Variants in KDR observed in about 807,000 individuals in gnomAD.
KDR encodes kinase insert domain receptor.
A neutral mutation model predicts 160.9 loss-of-function variants in KDR; 43 were observed. The observed-to-expected ratio is 0.27, with a 90% CI of 0.21 to 0.34. KDR has a LOEUF of 0.34. Among genes scored for constraint, KDR ranks in the 10% least tolerant of loss-of-function variants. The probability of loss-of-function intolerance (pLI) is 1.00; values close to 1 mark genes in which losing one functional copy is unlikely to be tolerated. For missense variants in KDR, 1,469 were observed against 1,666.4 expected (o/e 0.88, Z 2.06); for synonymous variants, 617 against 600.1 (o/e 1.03, Z -0.41).
At chr4:55,104,483 T>C in intron 13 of KDR, 160 bp downstream of exon 13, 1 of 678,966 alleles carries the variant, frequency 1.5e-6, no homozygotes, top group Non-Finnish European at 2.6e-6. Flanking sequence ...ATTTCATTAT[T>C]ATTAGCTTCT....
chr4:55,106,841 G>T (rs1350465082), intron 10 of KDR, 31 bp from the exon 11 acceptor site: 2 of 1,587,618 alleles, frequency 1.3e-6, no homozygotes, highest in Non-Finnish European at 1.7e-6. Context: ...CGCATATTAT[G>T]ATTTAATTTT....
At chr4:55,101,057 C>T (rs1390624970) in intron 15 of KDR, among the ~76,000 whole-genome samples, 23 of 152,160 alleles carry the variant, frequency 1.5e-4, no homozygotes, top group Non-Finnish European at 7.4e-5. Context: ...GAGCAATGGT[C>T]TATTGTTCAC....
chr4:55,111,668 C>T (rs1400619606), intron 7 of KDR, among the ~76,000 whole-genome samples: 2 of 152,170 alleles, frequency 1.3e-5, no homozygotes, highest in Non-Finnish European at 2.9e-5. Context: ...TAAGCCAGAG[C>T]ACATCTCTCT....
intron 3 of KDR, among the ~76,000 whole-genome samples, chr4:55,117,016 G>C (rs966411926): frequency 6.6e-6 from 1 of 151,994 alleles, no homozygotes; most frequent in African/African-American, 2.4e-5. Flanking sequence ...AACAGTGCTA[G>C]GGATTGCCAC....
chr4:55,120,677 T>C (rs188350235), intron 2 of KDR, among the ~76,000 whole-genome samples: 1 of 152,212 alleles, frequency 6.6e-6, no homozygotes, highest in Non-Finnish European at 1.5e-5. Context: ...GGATAATAAG[T>C]GTTCAAGAAT....
intron 13 of KDR, among the ~76,000 whole-genome samples, chr4:55,102,839 C>A (rs13136007): frequency 0.24 from 35,860 of 152,012 alleles, 4,411 homozygotes; most frequent in East Asian, 0.47. Flanking sequence ...AGATTCTAGT[C>A]AATAATACCC....
rs1220848355 is a variant in KDR at position 55,102,115 on chromosome 4, C to T, written c.2135-87G>A. 3 of 1,557,082 alleles carry T rather than the reference C, an allele frequency of 1.9e-6. No homozygotes were observed. In the African/African-American group the frequency reaches 4.1e-5, roughly 21 times the overall value. On this transcript the variant is annotated intron_variant, in intron 14 of 29. Transcript: ENST00000263923. ...GGAAATTTAGAAAATATAAATGCTG[C>T]CCTTCATCTTGTTCTATTATCTAAC...
intron 22 of KDR, among the ~76,000 whole-genome samples, chr4:55,090,891 C>G (rs2110012518): frequency 1.5e-5 from 2 of 130,220 alleles, no homozygotes; most frequent in South Asian, 5.6e-4. Context: ...GAATCTCACT[C>G]TCGCCCAGGC....
At chr4:55,090,947 C>T (rs1009977821) in intron 22 of KDR, among the ~76,000 whole-genome samples, 10 of 150,570 alleles carry the variant, frequency 6.6e-5, no homozygotes, top group African/African-American at 2.5e-4. Context: ...CTTCACCTCC[C>T]AGGTTCAAGT....
In KDR at chr4:55,122,356, T is replaced by G. The variant is rs115694463; in HGVS notation, c.68-1166A>C. On this transcript the variant is annotated intron_variant, in intron 1 of 29. Transcript: ENST00000263923. ...GAAAATACCAGCTTTAAAAAAGTAA[T>G]TGATGTTGGGCAGGCTCCCAAGCTT... Among the ~76,000 whole-genome samples, 924 of 152,256 alleles carry G rather than the reference T, an allele frequency of 6.1e-3. 11 individuals carry two copies. Among genetic ancestry groups the G allele is most frequent in the African/African-American group, 0.021 (876 of 41,532 alleles).
intron 7 of KDR, among the ~76,000 whole-genome samples, chr4:55,112,346 C>T (rs1483369586): frequency 6.6e-6 from 1 of 152,020 alleles, no homozygotes; most frequent in Admixed American, 6.6e-5. Flanking sequence ...TATATTTTCT[C>T]TTCCTTACAA....
intron 22 of KDR, among the ~76,000 whole-genome samples, chr4:55,090,482 A>T (rs1045279223): frequency 2.0e-5 from 3 of 152,214 alleles, no homozygotes; most frequent in Non-Finnish European, 4.4e-5. Flanking sequence ...ATCAGAAACA[A>T]GGGGCTCTCA....
intron 19 of KDR, among the ~76,000 whole-genome samples, chr4:55,096,022 A>G (rs1720143893): frequency 6.6e-6 from 1 of 152,232 alleles, no homozygotes; most frequent in South Asian, 2.1e-4. Flanking sequence ...GTATCATAGT[A>G]GCATGACATT....
At chr4:55,121,944 G>A (rs547172994) in intron 1 of KDR, among the ~76,000 whole-genome samples, 38 of 151,656 alleles carry the variant, frequency 2.5e-4, no homozygotes, top group South Asian at 8.3e-4. Flanking sequence ...GAATATTTTC[G>A]TGAAAAATTT....
rs1284779537 is a variant in KDR at position 55,078,975 on chromosome 4, A to C, written c.*966T>G. 1 of 233,152 alleles carries C rather than the reference A, an allele frequency of 4.3e-6. No individual in the cohort carries two copies. The highest frequency in any genetic ancestry group is 8.5e-6 in the Non-Finnish European group (1 of 118,066). 14.4% of individuals were successfully genotyped at this position (233,152 alleles called of 1,614,324 possible). A position where few individuals can be genotyped will look rare whatever the true frequency, so the allele number is the denominator to read the frequency against. On this transcript the variant is annotated 3_prime_UTR_variant, in exon 30 of 30. Coordinates refer to ENST00000263923, the MANE Select transcript of KDR (RefSeq NM_002253.4). The stretch of plus-strand genomic sequence containing the variant: ...GAACAAAAGGGTAAAATCCTTCCTG[A>C]AACTTTGACACCACACACAGCTTCA...
chr4:55,089,875 T>C (rs2110011322), intron 23 of KDR, 73 bp from the exon 24 acceptor site: 3 of 1,602,108 alleles, frequency 1.9e-6, no homozygotes, highest in Admixed American at 1.7e-5. Flanking sequence ...CCTCTGTTCC[T>C]GAACACAGGT....
intron 1 of KDR, among the ~76,000 whole-genome samples, chr4:55,124,440 T>C (rs1050270808): frequency 3.9e-5 from 6 of 152,176 alleles, no homozygotes; most frequent in African/African-American, 1.4e-4. Flanking sequence ...GGAATGGCAC[T>C]AAAGCTAGGT....
intron 10 of KDR, 46 bp from the exon 11 acceptor site, chr4:55,106,856 T>C (rs1277197045): frequency 1.3e-6 from 2 of 1,523,266 alleles, no homozygotes; most frequent in Admixed American, 3.3e-5. Flanking sequence ...AATTTTTCTT[T>C]AATTAGAGTC....
At position 55,101,993 on chromosome 4, in the gene KDR, T is replaced by C. The variant is rs537546608; in HGVS notation, c.2170A>G (p.Ile724Val). Residue 724 changes from isoleucine to valine, a missense_variant, in exon 15 of 30, where the codon ATC becomes GTC. Ile to Val is a conservative substitution (Grantham distance 29). Around this residue, in one of 7 missense-constraint regions of KDR, gnomAD observed 39 missense variants for 72.1 expected, o/e 0.54. Transcript: ENST00000263923. ...VLKDGNRNLT[I>V]RRVRKEDEGL... ...TCGTCCTCCTTCCTCACTCTGCGGATAGTGAGGTTCCGGTTCCCATCCTTC... is the reference window on the plus strand; with the variant it reads ...TCGTCCTCCTTCCTCACTCTGCGGACAGTGAGGTTCCGGTTCCCATCCTTC... 3.1e-6 allele frequency: 5 copies of C among 1,612,534 alleles called. No homozygotes were observed. The highest frequency in any genetic ancestry group is 4.2e-6 in the Non-Finnish European group (5 of 1,178,726).
Sources: allele counts gnomAD v4.1 joint callset (sites outside exome capture counted in the v4.1 genomes callset), GRCh38; gene constraint gnomAD v4.1.1; regional missense constraint gnomAD v4.1.1; transcripts MANE v1.5; gene names NCBI Gene and HGNC (gene_info 2026-07-23, HGNC 2026-07-21).